KCNT1: variants seen among roughly 807,000 people sequenced by gnomAD.
The protein encoded by KCNT1 is potassium sodium-activated channel subfamily T member 1, also known as potassium channel subfamily T member 1.
Under a neutral mutation model 147.8 loss-of-function variants are expected in KCNT1, and 78 were observed. That is an observed-to-expected ratio of 0.53 (90% CI 0.44 to 0.64). The LOEUF is 0.64. KCNT1 is among the 30% of genes least tolerant of loss of function. The pLI is 0.00. For missense variants in KCNT1, 1,419 were observed against 1,750.3 expected, an observed-to-expected ratio of 0.81 and a Z score of 3.38; for synonymous variants, 867 against 748.8, an observed-to-expected ratio of 1.16 and a Z score of -2.58.
chr9:135,719,979 T>G (rs1187181612), intron 2 of KCNT1, among the ~76,000 whole-genome samples: 1 of 152,118 alleles, frequency 6.6e-6, no homozygotes, highest in Non-Finnish European at 1.5e-5. Flanking sequence ...CCAAATATTT[T>G]TTCACACAAC....
intron 28 of KCNT1, 174 bp from the exon 29 acceptor site, chr9:135,786,023 G>A (rs1046879954): frequency 1.3e-5 from 8 of 609,450 alleles, no homozygotes; most frequent in Non-Finnish European, 2.0e-5. Context: ...TCCAGAGGAG[G>A]AAGGCACATG....
intron 16 of KCNT1, 67 bp from the exon 17 acceptor site, chr9:135,770,231 C>T (rs1832657576): frequency 1.3e-6 from 2 of 1,533,922 alleles, no homozygotes; most frequent in Non-Finnish European, 8.8e-7. Flanking sequence ...CACCTGCAGA[C>T]CCAGCCGGGG....
chr9:135,777,221 G>C, intron 20 of KCNT1, 117 bp from the exon 21 acceptor site: 2 of 1,120,338 alleles, frequency 1.8e-6, no homozygotes, highest in Non-Finnish European at 2.6e-6. Flanking sequence ...GCTGTGGGCC[G>C]AGAGGCTAAC....
intron 2 of KCNT1, among the ~76,000 whole-genome samples, chr9:135,739,451 G>A (rs1271806885): frequency 2.7e-5 from 3 of 109,416 alleles, no homozygotes; most frequent in African/African-American, 1.1e-4. Context: ...CCCCGACCCC[G>A]GACACCCTTG....
At chr9:135,779,559 T>C (rs1833455858) in intron 24 of KCNT1, 89 bp downstream of exon 24, 2 of 983,330 alleles carry the variant, frequency 2.0e-6, no homozygotes, top group Non-Finnish European at 1.6e-6. Flanking sequence ...GCCAGTGCCA[T>C]GGGAGGCTGG....
At chr9:135,738,241 G>C (rs1263458124) in intron 2 of KCNT1, among the ~76,000 whole-genome samples, 1 of 152,210 alleles carries the variant, frequency 6.6e-6, no homozygotes, top group African/African-American at 2.4e-5. Flanking sequence ...GTTTCACATG[G>C]GTGGCCTCGC....
chr9:135,777,357 A>T lies in KCNT1; in HGVS notation c.2369A>T (p.Tyr790Phe). The T allele has an allele frequency of 6.2e-7, 1 of 1,613,962 alleles. No homozygotes were observed. The highest frequency in any genetic ancestry group is 8.5e-7 in the Non-Finnish European group (1 of 1,179,896). Residue 790 changes from tyrosine (Y) to phenylalanine (F), a missense_variant, in exon 21 of 31, where the codon TAT becomes TTT. By Grantham distance (22) the Tyr-to-Phe change is conservative. Transcript: ENST00000371757. The stretch of plus-strand genomic sequence containing the variant: ...CCCCAGGGCTGCAAGCACAACAGCT[A>T]TGAAGACGCCAAGGCCTACGGGTTC... The part of the protein sequence containing the change: ...RLDKGCKHNS[Y>F]EDAKAYGFKN...
At chr9:135,769,793 ACT>A (rs1008391723) in intron 15 of KCNT1, among the ~76,000 whole-genome samples, 152 bp from the exon 16 acceptor site, 1 of 151,716 alleles carries the variant, frequency 6.6e-6, no homozygotes, top group Non-Finnish European at 1.5e-5. Flanking sequence ...AGGTCCACAG[ACT>A]CTCGGGGCAG....
In KCNT1 at chr9:135,768,834, C is replaced by G. The variant is rs537722828; in HGVS notation, c.1407C>G (p.His469Gln). ...CCAACCACCCACCCCGCCAGGACCA[C>G]CAGACCATCCTGCGCGCCTGGGCCG... ...RNEVDRTAAD[H>Q]QTILRAWAVK... is the part of the protein sequence containing the mutation. The change falls in exon 15 of 31, where the codon CAC (histidine) becomes CAG (glutamine). Residue 469 changes from histidine to glutamine, a missense_variant. Physicochemically the swap from His to Gln is conservative, Grantham distance 24. Coordinates refer to ENST00000371757, the MANE Select transcript of KCNT1 (RefSeq NM_020822.3). The G allele has an allele frequency of 3.6e-5, 58 of 1,611,824 alleles. No homozygotes were observed. Among genetic ancestry groups the G allele is most frequent in the Non-Finnish European group, 4.7e-5 (55 of 1,179,388 alleles).
chr9:135,771,114 G>A lies in KCNT1; in HGVS notation c.2008+19G>A, dbSNP rs369119562. 2.6e-4 allele frequency: 409 copies of A among 1,596,332 alleles called. No homozygotes were observed. The highest frequency in any genetic ancestry group is 3.3e-4 in the Non-Finnish European group (386 of 1,169,038). ...TCCATGGGTGAGCCGGGACAGGCGC[G>A]CGGGACTCCCTGGGCCTGCTCCTTT... On this transcript the variant is annotated intron_variant, in intron 18 of 30. Coordinates refer to ENST00000371757, the MANE Select transcript of KCNT1 (RefSeq NM_020822.3).
chr9:135,769,599 G>A (rs569753630), intron 15 of KCNT1, among the ~76,000 whole-genome samples: 106 of 152,298 alleles, frequency 7.0e-4, no homozygotes, highest in African/African-American at 2.2e-3. Context: ...GGACCATGCC[G>A]GGTGCCCGGG....
At chr9:135,757,428 C>A in intron 9 of KCNT1, 47 bp downstream of exon 9, 1 of 1,539,970 alleles carries the variant, frequency 6.5e-7, no homozygotes, top group Non-Finnish European at 8.9e-7. Context: ...GGGCCACCCT[C>A]AGCCTCACCG....
intron 11 of KCNT1, among the ~76,000 whole-genome samples, chr9:135,761,100 T>C (rs1831886635): frequency 6.6e-6 from 1 of 152,078 alleles, no homozygotes; most frequent in South Asian, 2.1e-4. Context: ...ACTCCTGGGC[T>C]CAAGCGATCC....
Position 135,727,184 on chromosome 9 carries a change from T to C in KCNT1, c.254+12464T>C, listed in dbSNP as rs111066218. Among the ~76,000 whole-genome samples, 177 of 57,552 alleles carry C rather than the reference T, an allele frequency of 3.1e-3. 8 individuals are homozygous for C. Among genetic ancestry groups the C allele is most frequent in the Middle Eastern group, 0.011 (1 of 94 alleles). The allele number at this position is 57,552 out of a possible 152,430, so 37.8% of individuals were successfully genotyped here. On this transcript the variant is annotated intron_variant, in intron 2 of 30. Coordinates refer to ENST00000371757, the MANE Select transcript of KCNT1 (RefSeq NM_020822.3). ...TCCCTCCCCCCTTTCTCCCTCTCTC[T>C]CTCTTTCCCATTCTCTCTCTCCCTC...
At chr9:135,754,203 C>G (rs1481015767) in intron 5 of KCNT1, among the ~76,000 whole-genome samples, 7 of 152,258 alleles carry the variant, frequency 4.6e-5, no homozygotes. Context: ...GAGGCTCACA[C>G]TGCCTGGTCC....
chr9:135,779,553 G>A (rs1182755362), intron 24 of KCNT1, 83 bp downstream of exon 24: 1 of 1,057,916 alleles, frequency 9.5e-7, no homozygotes, highest in Non-Finnish European at 1.5e-6. Flanking sequence ...AAGGGGGCCA[G>A]TGCCATGGGA....
At chr9:135,707,885 C>T (rs1037120699) in intron 1 of KCNT1, among the ~76,000 whole-genome samples, 2 of 152,214 alleles carry the variant, frequency 1.3e-5, no homozygotes, top group Non-Finnish European at 1.5e-5. Flanking sequence ...TGAGCTTTCA[C>T]TTTGGATCCT....
chr9:135,712,767 C>T (rs1835554258), intron 1 of KCNT1, among the ~76,000 whole-genome samples: 1 of 152,204 alleles, frequency 6.6e-6, no homozygotes, highest in African/African-American at 2.4e-5. Context: ...AACACAACAG[C>T]GAAGTATTTT....
rs756311140 is a variant in KCNT1, at chr9:135,784,619, G to A, written c.3027+1G>A. On this transcript the variant is annotated splice_donor_variant, in intron 26 of 30. Coordinates refer to ENST00000371757, the MANE Select transcript of KCNT1 (RefSeq NM_020822.3). LOFTEE classifies it high-confidence loss of function. ...GCCGGGCTCGGGGTACCTCTGTGCC[G>A]TAAGTGCCCCTGGCTGCGCTGGGCT... 12 of 1,611,272 alleles carry A rather than the reference G, an allele frequency of 7.4e-6. No individual in the cohort carries two copies. Among genetic ancestry groups the A allele is most frequent in the South Asian group, 1.1e-5 (1 of 90,978 alleles).
Sources: allele counts gnomAD v4.1 joint callset (sites outside exome capture counted in the v4.1 genomes callset), GRCh38; gene constraint gnomAD v4.1.1; transcripts MANE v1.5; gene names NCBI Gene and HGNC (gene_info 2026-07-23, HGNC 2026-07-21).